Variants in ABCC6 observed in about 807,000 individuals in gnomAD.
The protein encoded by ABCC6 is ATP-binding cassette sub-family C member 6.
ABCC6 carries 126 observed loss-of-function variants against 169.5 expected under a neutral mutation model. The ratio of observed to expected loss-of-function variants is 0.74; its 90% CI spans 0.64 to 0.86. ABCC6 has a LOEUF of 0.86. Among genes scored for constraint, ABCC6 ranks in the 40% least tolerant of loss-of-function variants. The probability of loss-of-function intolerance (pLI) is 0.00; values close to 1 mark genes in which losing one functional copy is unlikely to be tolerated. For synonymous variants in ABCC6, 752 were observed against 814.7 expected, an observed-to-expected ratio of 0.92 and a Z score of 1.31; for missense variants, 1,733 against 1,927.2, an observed-to-expected ratio of 0.90 and a Z score of 1.89.
In ABCC6 at chr16:16,188,839, G is replaced by C. The variant is rs201193903; in HGVS notation, c.1771C>G (p.Leu591Val). 7.4e-6 allele frequency: 12 copies of C among 1,613,848 alleles called. No individual in the cohort carries two copies. In the East Asian group the frequency reaches 2.2e-4, roughly 30 times the overall value. ...CCTTGCACCCACCTCACCTGGACGA[G>C]GGAGTGGATGGAGAAGGGCAGGAAA... ...QAFLPFSIHS[L>V]VQARVSFDRL... Residue 591 changes from leucine (L) to valine (V), a missense_variant, in exon 13 of 31, where the codon CTC (leucine) becomes GTC (valine). Coordinates refer to ENST00000205557, the MANE Select transcript of ABCC6 (RefSeq NM_001171.6).
At position 16,165,636 on chromosome 16, in the gene ABCC6, T is replaced by C. The variant is rs1261061440; in HGVS notation, c.3293A>G (p.Tyr1098Cys). The change falls in exon 23 of 31, where the codon TAC (tyrosine) becomes TGC (cysteine). Residue 1098 changes from tyrosine to cysteine, a missense_variant. Transcript: ENST00000205557. ...TVAILPLFLL[Y>C]AGFQSLYVVS... is the part of the protein sequence containing the mutation. ...ACCTCTCCGTACCTGAAACCCAGCG[T>C]AGAGGAGAAACAGTGGCAGGATGGC... is the stretch of plus-strand genomic sequence containing the variant. The C allele has an allele frequency of 6.2e-7, 1 of 1,613,016 alleles. No individual in the cohort carries two copies.
At chr16:16,159,154 A>G (rs1027572600) in intron 26 of ABCC6, among the ~76,000 whole-genome samples, 3 of 152,046 alleles carry the variant, frequency 2.0e-5, no homozygotes, top group Admixed American at 6.5e-5. Flanking sequence ...GAATATTGCC[A>G]TTGTGTTGCT....
rs1239780173 is a variant in ABCC6 at position 16,163,170 on chromosome 16, C to T, written c.3329G>A (p.Cys1110Tyr). The T allele has an allele frequency of 1.9e-6, 3 of 1,613,506 alleles. No individual in the cohort carries two copies. The South Asian group carries it at 3.3e-5, about 18-fold the overall frequency. Residue 1110 changes from cysteine (C) to tyrosine (Y), a missense_variant, in exon 24 of 31, where the codon TGC (cysteine) becomes TAC (tyrosine). By Grantham distance (194) the Cys-to-Tyr change is radical (BLOSUM62 -2). Transcript: ENST00000205557. ...GGCTGACTCCAAGCGTCTCAGCTGG[C>T]ATGAGCTAACCACATACAGGCTCTG... ...GFQSLYVVSS[C>Y]QLRRLESASY...
At chr16:16,186,159 A>T (rs1438932940) in intron 14 of ABCC6, among the ~76,000 whole-genome samples, 1 of 152,132 alleles carries the variant, frequency 6.6e-6, no homozygotes, top group Admixed American at 6.5e-5. Context: ...TCAGTGCAAC[A>T]AGGGGGAGGG....
chr16:16,187,434 C>T (rs577065298), intron 13 of ABCC6, among the ~76,000 whole-genome samples: 90 of 152,246 alleles, frequency 5.9e-4, no homozygotes, highest in Non-Finnish European at 1.0e-3. Context: ...TCAGTGACAC[C>T]GAAGCAAGCC....
intron 27 of ABCC6, 63 bp from the exon 28 acceptor site, chr16:16,155,094 G>T: frequency 6.6e-7 from 1 of 1,519,274 alleles, no homozygotes; most frequent in Non-Finnish European, 8.8e-7. Context: ...TTATTGGGGA[G>T]ATCTTTCTGC....
intron 21 of ABCC6, chr16:16,173,023 G>C (rs1047354716): frequency 6.6e-5 from 35 of 526,616 alleles, no homozygotes; most frequent in African/African-American, 6.3e-4. Flanking sequence ...GCCTGGGTGA[G>C]TGAGCGAGCC....
intron 9 of ABCC6, among the ~76,000 whole-genome samples, chr16:16,198,998 G>T (rs1434579391): frequency 1.9e-5 from 1 of 52,892 alleles, no homozygotes; most frequent in Non-Finnish European, 4.3e-5. Context: ...CATTTCGGGG[G>T]GGAAAAAAGA....
At chr16:16,172,027 GTA>G (rs1333703656) in intron 21 of ABCC6, among the ~76,000 whole-genome samples, 72 of 146,198 alleles carry the variant, frequency 4.9e-4, no homozygotes, top group Non-Finnish European at 5.5e-4. Context: ...GGATAAATGA[GTA>G]GGTGGGATGC....
Position 16,192,926 on chromosome 16 carries a change from G to T in ABCC6, c.1339-4C>A. 6.2e-7 allele frequency: 1 copy of T among 1,613,194 alleles called. No individual in the cohort carries two copies. Among genetic ancestry groups the T allele is most frequent in the Non-Finnish European group, 8.5e-7 (1 of 1,179,258 alleles). On this transcript the variant is annotated splice_region_variant and splice_polypyrimidine_tract_variant and intron_variant, in intron 10 of 30. Coordinates refer to ENST00000205557, the MANE Select transcript of ABCC6 (RefSeq NM_001171.6). ...TGAGGGCGGAGGGCCCCAGGAGCTG[G>T]GGATAGAAGGGGCAGGATGTCAGGA... is the stretch of plus-strand genomic sequence containing the variant.
chr16:16,179,971 G>A (rs1427746239), intron 17 of ABCC6, among the ~76,000 whole-genome samples: 1 of 152,160 alleles, frequency 6.6e-6, no homozygotes, highest in African/African-American at 2.4e-5. Context: ...TTGTTTTCCT[G>A]AAACTAGATA....
In ABCC6 at chr16:16,159,446, C is replaced by T. The variant is rs747942423; in HGVS notation, c.3735+36G>A. On this transcript the variant is annotated intron_variant, in intron 26 of 30. Coordinates refer to ENST00000205557, the MANE Select transcript of ABCC6 (RefSeq NM_001171.6). The stretch of plus-strand genomic sequence containing the variant: ...CCATTGCCCCCCCCCACAATATGTC[C>T]TTGCTGGGACCCCCTCCCCACCTCC... 86 of 1,582,868 alleles carry T rather than the reference C, an allele frequency of 5.4e-5. 1 individual carries two copies. In the Middle Eastern group the frequency reaches 8.3e-4, roughly 15 times the overall value.
chr16:16,222,311 C>G (rs1273567926), intron 1 of ABCC6, among the ~76,000 whole-genome samples: 3 of 152,200 alleles, frequency 2.0e-5, no homozygotes, highest in Non-Finnish European at 4.4e-5. Context: ...GACTCTGACC[C>G]AGGCTTATCT....
chr16:16,165,997 C>A, intron 22 of ABCC6, 64 bp from the exon 23 acceptor site: 1 of 1,519,692 alleles, frequency 6.6e-7, no homozygotes, highest in Non-Finnish European at 9.0e-7. Flanking sequence ...CCACGGGGCC[C>A]TGCGCAGGTC....
intron 16 of ABCC6, 85 bp from the exon 17 acceptor site, chr16:16,182,673 CAGT>C: frequency 3.8e-6 from 6 of 1,590,744 alleles, no homozygotes; most frequent in Non-Finnish European, 5.2e-6. Context: ...GCTGGGCTCT[CAGT>C]GGTGGGTGAG....
In ABCC6 at chr16:16,185,121, C is replaced by G; in HGVS notation, c.1868-87G>C. On this transcript the variant is annotated intron_variant, in intron 14 of 30. Transcript: ENST00000205557. Reference sequence around the variant, plus strand: ...AGGCCCCCAGGCACCATCCCCCGCCCCCCCCAGGGGCAGAGGCTGCAGGAA... The same window carrying G: ...AGGCCCCCAGGCACCATCCCCCGCCGCCCCCAGGGGCAGAGGCTGCAGGAA... The G allele has an allele frequency of 1.1e-5, 14 of 1,241,274 alleles. No individual in the cohort carries two copies. The South Asian group carries it at 1.6e-4, about 14-fold the overall frequency. The allele number at this position is 1,241,274 out of a possible 1,614,324, so 76.9% of individuals were successfully genotyped here.
In ABCC6 at chr16:16,214,448, C is replaced by A; in HGVS notation, c.476G>T (p.Gly159Val). 6.4e-7 allele frequency: 1 copy of A among 1,551,600 alleles called. No individual in the cohort carries two copies. Among genetic ancestry groups the A allele is most frequent in the East Asian group, 2.4e-5 (1 of 40,980 alleles). Residue 159 changes from glycine (G) to valine (V), a missense_variant and splice_region_variant, in exon 5 of 31, where the codon GGC becomes GTC. Coordinates refer to ENST00000205557, the MANE Select transcript of ABCC6 (RefSeq NM_001171.6). ...GTGGCGGACAGGGTCGCTCTGGAAGCCCTGTGGGAGGGAAAGCAGAAGATA... is the reference window on the plus strand; with the variant it reads ...GTGGCGGACAGGGTCGCTCTGGAAGACCTGTGGGAGGGAAAGCAGAAGATA... ...TNAAQQASGA[G>V]FQSDPVRHLS... is the part of the protein sequence containing the mutation.
At chr16:16,174,593 C>A (rs1412792857) in intron 20 of ABCC6, among the ~76,000 whole-genome samples, 4 of 151,856 alleles carry the variant, frequency 2.6e-5, no homozygotes, top group Non-Finnish European at 4.4e-5. Context: ...CCTGTCTCTA[C>A]TAAAAATACA....
At chr16:16,152,654 G>A (rs1596584458) in intron 29 of ABCC6, among the ~76,000 whole-genome samples, 1 of 147,374 alleles carries the variant, frequency 6.8e-6, no homozygotes, top group Admixed American at 7.0e-5. Flanking sequence ...CCACCTTACA[G>A]ATGAGGAAAC....
Sources: gnomAD v4.1 joint callset for allele counts (sites outside exome capture counted in the v4.1 genomes callset) on GRCh38, gnomAD v4.1.1 for gene constraint, MANE v1.5 for transcripts, NCBI Gene and HGNC (gene_info 2026-07-23, HGNC 2026-07-21) for gene names.